The following MYT1L variants were observed in gnomAD, a reference collection of about 807,000 sequenced individuals.
The protein encoded by MYT1L is myelin transcription factor 1-like protein.
MYT1L carries 12 observed loss-of-function variants against 126.7 expected under a neutral mutation model. That is an observed-to-expected ratio of 0.09 (90% confidence interval 0.06 to 0.15). The LOEUF (loss-of-function observed/expected upper bound fraction) is 0.15, where lower values mean the gene tolerates loss of function less well. Among genes scored for constraint, MYT1L ranks in the 10% least tolerant of loss-of-function variants. The pLI is 1.00. For missense variants in MYT1L, 979 were observed against 1,585.2 expected (o/e 0.62, Z 6.49); for synonymous variants, 541 against 604.2 (o/e 0.90, Z 1.53).
chr2:1,918,115 C>T (rs1329703777), intron 10 of MYT1L, among the ~76,000 whole-genome samples: 8 of 152,064 alleles, frequency 5.3e-5, no homozygotes, highest in Admixed American at 6.5e-5. Context: ...ACAGCCCTGT[C>T]GGCTTCTCTG....
At chr2:2,259,458 G>A (rs957029512) in intron 2 of MYT1L, among the ~76,000 whole-genome samples, 1 of 150,876 alleles carries the variant, frequency 6.6e-6, no homozygotes, top group African/African-American at 2.4e-5. Flanking sequence ...TAGTTAGCTT[G>A]ATTGTGGTAT....
intron 2 of MYT1L, among the ~76,000 whole-genome samples, chr2:2,265,526 C>G (rs942900916): frequency 6.6e-6 from 1 of 152,114 alleles, no homozygotes; most frequent in African/African-American, 2.4e-5. Context: ...GAGAACTAGA[C>G]AGTGGGTACA....
intron 3 of MYT1L, among the ~76,000 whole-genome samples, chr2:2,113,062 G>A (rs1215612580): frequency 6.6e-6 from 1 of 152,194 alleles, no homozygotes; most frequent in Non-Finnish European, 1.5e-5. Context: ...GATGACCACG[G>A]GGGCCCTGCC....
chr2:2,197,856 AACAT>A (rs1382278621), intron 2 of MYT1L, among the ~76,000 whole-genome samples: 1 of 149,428 alleles, frequency 6.7e-6, no homozygotes, highest in Non-Finnish European at 1.5e-5. Flanking sequence ...AGATGTACCT[AACAT>A]ACACACATAT....
chr2:2,116,496 G>A lies in MYT1L; in HGVS notation c.-304+56376C>T, dbSNP rs183802828. Among the ~76,000 whole-genome samples, 100 of 152,208 alleles carry A rather than the reference G, an allele frequency of 6.6e-4. 3 individuals are homozygous for A. The highest frequency in any genetic ancestry group is 6.5e-3 in the Admixed American group (99 of 15,292). On this transcript the variant is annotated intron_variant, in intron 3 of 24. Transcript: ENST00000647738. The stretch of plus-strand genomic sequence containing the variant: ...AACCTCCTTCCACCTTCCACATTTA[G>A]CTTATCTACACATCATGGAACTTGT...
intron 2 of MYT1L, among the ~76,000 whole-genome samples, chr2:2,243,533 C>T (rs1005974245): frequency 3.9e-5 from 6 of 152,260 alleles, no homozygotes; most frequent in South Asian, 2.1e-4. Context: ...CACAAACTTC[C>T]ATGGTACCTA....
At chr2:1,933,969 ATTTTTTTTTTT>A (rs920521570) in intron 9 of MYT1L, among the ~76,000 whole-genome samples, 3 of 111,756 alleles carry the variant, frequency 2.7e-5, no homozygotes, top group East Asian at 2.6e-4. Context: ...TCTAATTTTG[ATTTTTTTTTTT>A]TTTTTTTTTT....
At chr2:1,949,355 C>A (rs1176380529) in intron 8 of MYT1L, among the ~76,000 whole-genome samples, 1 of 152,186 alleles carries the variant, frequency 6.6e-6, no homozygotes, top group Admixed American at 6.5e-5. Context: ...CACATGGAGG[C>A]CTGGCATCCC....
At chr2:2,220,964 T>C (rs1022344084) in intron 2 of MYT1L, among the ~76,000 whole-genome samples, 13 of 152,048 alleles carry the variant, frequency 8.5e-5, no homozygotes, top group African/African-American at 2.7e-4. Context: ...GAAAAAGAAG[T>C]GAGTTTAAAG....
rs544262327 is a variant in MYT1L, at chr2:2,108,062, C to T, written c.-303-53939G>A. Among the ~76,000 whole-genome samples the T allele has an allele frequency of 5.3e-5, 8 of 152,298 alleles. No homozygotes were observed. The South Asian group carries it at 1.4e-3, about 28-fold the overall frequency. ...TGAAATTTATTTTTACCAACAGAAA[C>T]GAACACCTTGGTTTGTCTTTCCAGA... On this transcript the variant is annotated intron_variant, in intron 3 of 24. Coordinates refer to ENST00000647738, the MANE Select transcript of MYT1L (RefSeq NM_001303052.2).
intron 14 of MYT1L, among the ~76,000 whole-genome samples, chr2:1,900,026 G>C (rs747419849): frequency 1.9e-4 from 29 of 152,174 alleles, no homozygotes; most frequent in Non-Finnish European, 3.7e-4. Context: ...ATTTCATTCT[G>C]TATCTCCATG....
intron 4 of MYT1L, among the ~76,000 whole-genome samples, chr2:2,032,193 A>G (rs2066390786): frequency 1.2e-5 from 1 of 85,760 alleles, no homozygotes; most frequent in South Asian, 6.6e-4. Context: ...CCTGTGGCCC[A>G]GAGCAGATTC....
chr2:2,162,084 T>C (rs141051507), intron 3 of MYT1L, among the ~76,000 whole-genome samples: 73 of 152,282 alleles, frequency 4.8e-4, no homozygotes, highest in African/African-American at 1.6e-3. Context: ...TGTGCATCTC[T>C]GCAGGAAACA....
At position 2,268,659 on chromosome 2, in the gene MYT1L, C is replaced by T. The variant is rs373934133; in HGVS notation, c.-421+15745G>A. ...CACGCCAGGAAATCTGCAAGAGGAG[C>T]TCCATTTTTCATTAATTTCCAATAT... On this transcript the variant is annotated intron_variant, in intron 2 of 24. Coordinates refer to ENST00000647738, the MANE Select transcript of MYT1L (RefSeq NM_001303052.2). Among the ~76,000 whole-genome samples the T allele has an allele frequency of 9.9e-5, 15 of 152,184 alleles. No homozygotes were observed. The East Asian group carries it at 2.7e-3, about 28-fold the overall frequency.
rs117746361 is a variant in MYT1L, at chr2:2,262,772, C to T, written c.-421+21632G>A. On this transcript the variant is annotated intron_variant, in intron 2 of 24. Coordinates refer to ENST00000647738, the MANE Select transcript of MYT1L (RefSeq NM_001303052.2). ...GCAGCTGGTTGGAGCTTTTCTAGCC[C>T]GCCCAAAGTCCAAATGACTTCTGTC... Among the ~76,000 whole-genome samples the T allele has an allele frequency of 6.5e-4, 98 of 150,758 alleles. No homozygotes were observed. In the East Asian group the frequency reaches 0.016, roughly 25 times the overall value.
chr2:2,330,281 T>G (rs1202079143), intron 1 of MYT1L, among the ~76,000 whole-genome samples: 1 of 152,108 alleles, frequency 6.6e-6, no homozygotes, highest in African/African-American at 2.4e-5. Flanking sequence ...ATTGTCATGG[T>G]TAATACTAAA....
chr2:1,808,369 A>G (rs986973713), intron 22 of MYT1L, among the ~76,000 whole-genome samples: 1 of 152,188 alleles, frequency 6.6e-6, no homozygotes, highest in African/African-American at 2.4e-5. Flanking sequence ...GGAACACCAG[A>G]CACTTCAGCT....
intron 4 of MYT1L, among the ~76,000 whole-genome samples, chr2:2,040,180 C>A (rs917897690): frequency 1.3e-5 from 2 of 152,100 alleles, no homozygotes; most frequent in African/African-American, 2.4e-5. Flanking sequence ...CCTCCTAGGG[C>A]TGTATATTTG....
chr2:2,104,981 A>T (rs563763831), intron 3 of MYT1L, among the ~76,000 whole-genome samples: 1 of 152,216 alleles, frequency 6.6e-6, no homozygotes, highest in Non-Finnish European at 1.5e-5. Flanking sequence ...GACACATTAC[A>T]TTACTACTGA....
Sources: allele counts gnomAD v4.1 joint callset (sites outside exome capture counted in the v4.1 genomes callset), GRCh38; gene constraint gnomAD v4.1.1; transcripts MANE v1.5; gene names NCBI Gene and HGNC (gene_info 2026-07-23, HGNC 2026-07-21).